The following CUX1 variants were observed in gnomAD, a reference collection of about 807,000 sequenced individuals.
CUX1 encodes the protein protein CASP.
In CUX1, 31 loss-of-function variants were observed where a neutral mutation model predicts 158.8. The observed-to-expected ratio is 0.20, with a 90% confidence interval of 0.15 to 0.26. The LOEUF (loss-of-function observed/expected upper bound fraction) is 0.26. CUX1 is among the 10% of genes least tolerant of loss of function. CUX1 has a pLI of 1.00. For missense variants in CUX1, 1,589 were observed against 2,014.6 expected, an observed-to-expected ratio of 0.79 and a Z score of 4.04; for synonymous variants, 879 against 862.1, an observed-to-expected ratio of 1.02 and a Z score of -0.34.
chr7:102,158,504 AC>A, intron 8 of CUX1, 55 bp from the exon 9 acceptor site: 3 of 1,577,168 alleles, frequency 1.9e-6, no homozygotes, highest in Non-Finnish European at 2.6e-6. Flanking sequence ...CCCATCAGTC[AC>A]CCCCTGAGCC....
chr7:101,962,368 G>A (rs1585106236), intron 2 of CUX1, among the ~76,000 whole-genome samples: 1 of 152,114 alleles, frequency 6.6e-6, no homozygotes, highest in Non-Finnish European at 1.5e-5. Context: ...TACCCTTTCG[G>A]GATCTTCCGT....
intron 1 of CUX1, among the ~76,000 whole-genome samples, chr7:101,868,718 G>A (rs1033247587): frequency 2.1e-4 from 32 of 152,222 alleles, no homozygotes; most frequent in African/African-American, 6.0e-4. Flanking sequence ...GGATGATGAA[G>A]TGCTTTAGGG....
At chr7:102,034,021 C>T (rs531769964) in intron 3 of CUX1, among the ~76,000 whole-genome samples, 5 of 151,624 alleles carry the variant, frequency 3.3e-5, no homozygotes, top group African/African-American at 1.2e-4. Flanking sequence ...TGGCAGGCAC[C>T]TGTAATCCCG....
chr7:102,201,345 T>G lies in CUX1; in HGVS notation c.2063-15T>G, dbSNP rs1554519606. The G allele has an allele frequency of 1.9e-6, 3 of 1,608,434 alleles. No homozygotes were observed. Among genetic ancestry groups the G allele is most frequent in the Non-Finnish European group, 2.5e-6 (3 of 1,176,640 alleles). On this transcript the variant is annotated splice_polypyrimidine_tract_variant and intron_variant, in intron 17 of 23. Coordinates refer to ENST00000292535, the MANE Select transcript of CUX1 (RefSeq NM_181552.4). The surrounding 1 kb of genome is among the most constrained non-coding windows in gnomAD (Gnocchi z 5.0). Reference sequence around the variant, plus strand: ...GGCCGCCCTGCCACACTCTCACCCCTGTTTCTCCATGCAGCAGAGCCGGCC... The same window carrying G: ...GGCCGCCCTGCCACACTCTCACCCCGGTTTCTCCATGCAGCAGAGCCGGCC...
At chr7:101,985,216 T>C (rs1482690971) in intron 2 of CUX1, among the ~76,000 whole-genome samples, 1 of 152,202 alleles carries the variant, frequency 6.6e-6, no homozygotes, top group Non-Finnish European at 1.5e-5. Flanking sequence ...ATACACGCTA[T>C]AGTCTTGGCT....
chr7:102,220,466 A>G (rs564355382), intron 20 of CUX1, among the ~76,000 whole-genome samples: 1 of 152,366 alleles, frequency 6.6e-6, no homozygotes, highest in African/African-American at 2.4e-5. Flanking sequence ...TGTTTAGAGC[A>G]CAGGGTCAGT....
chr7:101,821,671 C>CTTTTCTTTTTTTTTTTTTTTTT (rs1792578445), intron 1 of CUX1, among the ~76,000 whole-genome samples: 1 of 51,302 alleles, frequency 1.9e-5, no homozygotes, highest in African/African-American at 8.1e-5. Flanking sequence ...TTTCTTTTTT[C>CTTTTCTTTTTTTTTTTTTTTTT]TTTTTTTTTT....
intron 2 of CUX1, among the ~76,000 whole-genome samples, chr7:101,931,697 G>C (rs1806310802): frequency 6.6e-6 from 1 of 152,104 alleles, no homozygotes; most frequent in Non-Finnish European, 1.5e-5. Flanking sequence ...CCAAGTAGCT[G>C]GGGCTACAGG....
intron 1 of CUX1, among the ~76,000 whole-genome samples, chr7:101,881,553 A>C (rs1362214097): frequency 2.0e-5 from 3 of 152,194 alleles, no homozygotes; most frequent in African/African-American, 7.2e-5. Flanking sequence ...GTCCTTTTTC[A>C]GGGAAGAAAT....
intron 12 of CUX1, among the ~76,000 whole-genome samples, chr7:102,190,425 C>G (rs1397338059): frequency 1.3e-5 from 2 of 152,174 alleles, no homozygotes; most frequent in African/African-American, 4.8e-5. Context: ...CCTCCTCACC[C>G]TGAGCCTGCT....
intron 1 of CUX1, among the ~76,000 whole-genome samples, chr7:101,868,579 G>C (rs1348316161): frequency 6.6e-6 from 1 of 152,204 alleles, no homozygotes; most frequent in Non-Finnish European, 1.5e-5. Context: ...CCAGCCCTGT[G>C]CCCTGTGTCC....
intron 2 of CUX1, among the ~76,000 whole-genome samples, chr7:101,964,564 C>T (rs925514717): frequency 5.9e-5 from 9 of 151,920 alleles, no homozygotes; most frequent in Non-Finnish European, 1.0e-4. Flanking sequence ...TCTTTTTTGC[C>T]GTCATTCTTT....
intron 4 of CUX1, among the ~76,000 whole-genome samples, chr7:102,085,666 G>A (rs1827887277): frequency 6.6e-6 from 1 of 152,124 alleles, no homozygotes; most frequent in Non-Finnish European, 1.5e-5. Context: ...CCAGTCTAGG[G>A]TATGTCTTTA....
intron 8 of CUX1, among the ~76,000 whole-genome samples, chr7:102,144,828 C>G (rs1045500020): frequency 6.6e-6 from 1 of 152,072 alleles, no homozygotes; most frequent in Admixed American, 6.6e-5. Context: ...TGGCTCACGT[C>G]TGTAATCCCA....
At chr7:101,905,668 G>A (rs117754040) in intron 1 of CUX1, among the ~76,000 whole-genome samples, 6 of 152,288 alleles carry the variant, frequency 3.9e-5, no homozygotes, top group Admixed American at 2.0e-4. Flanking sequence ...ACCATACGCC[G>A]TGAGATCTGG....
At chr7:102,142,293 C>T (rs934595325) in intron 8 of CUX1, among the ~76,000 whole-genome samples, 12 of 152,112 alleles carry the variant, frequency 7.9e-5, no homozygotes, top group African/African-American at 2.9e-4. Context: ...CCAGGAATGG[C>T]AAACAGAACC....
intron 8 of CUX1, among the ~76,000 whole-genome samples, chr7:102,143,956 A>G (rs1403690878): frequency 6.6e-6 from 1 of 151,636 alleles, no homozygotes. Flanking sequence ...CCAATTTTGT[A>G]TTTTTAGTAG....
chr7:102,008,476 G>A (rs1029656120), intron 2 of CUX1, among the ~76,000 whole-genome samples: 3 of 152,014 alleles, frequency 2.0e-5, no homozygotes, highest in Admixed American at 1.3e-4. Context: ...CTGTCTTTCG[G>A]CACATTTCAT....
At chr7:101,987,145 G>A (rs2129231445) in intron 2 of CUX1, among the ~76,000 whole-genome samples, 1 of 152,322 alleles carries the variant, frequency 6.6e-6, no homozygotes, top group Middle Eastern at 3.4e-3. Context: ...GGTAGCCCAT[G>A]GGTAGAGTTG....
Sources: gnomAD v4.1 joint callset for allele counts (sites outside exome capture counted in the v4.1 genomes callset) on GRCh38, gnomAD v4.1.1 for gene constraint, Gnocchi (gnomAD v3.1) non-coding constraint, MANE v1.5 for transcripts, NCBI Gene and HGNC (gene_info 2026-07-23, HGNC 2026-07-21) for gene names.